Variants in SPOCK1 observed in about 807,000 individuals in gnomAD.
SPOCK1 encodes the protein SPARC (osteonectin), cwcv and kazal like domains proteoglycan 1.
Under a neutral mutation model 55.3 loss-of-function variants are expected in SPOCK1, and 23 were observed. The ratio of observed to expected loss-of-function variants is 0.42; its 90% CI spans 0.30 to 0.59. The LOEUF is 0.59. Ranked by LOEUF, SPOCK1 falls within the 20% of genes least tolerant of loss-of-function variation. The pLI is 0.22. For synonymous variants in SPOCK1, 226 were observed against 221.0 expected (o/e 1.02, Z -0.20); for missense variants, 499 against 552.5 (o/e 0.90, Z 0.97).
chr5:137,449,117 T>A (rs548870585), intron 2 of SPOCK1, among the ~76,000 whole-genome samples: 1 of 152,318 alleles, frequency 6.6e-6, no homozygotes, highest in Admixed American at 6.5e-5. Context: ...CCCAGGACAG[T>A]TGCAGGACCA....
At chr5:137,049,001 G>C (rs1477491009) in intron 6 of SPOCK1, among the ~76,000 whole-genome samples, 7 of 129,206 alleles carry the variant, frequency 5.4e-5, no homozygotes, top group Non-Finnish European at 1.2e-4. Context: ...GGTTTCTGCC[G>C]AGAGATCCGC....
chr5:137,331,621 C>G (rs1758184770), intron 2 of SPOCK1, among the ~76,000 whole-genome samples: 1 of 152,076 alleles, frequency 6.6e-6, no homozygotes, highest in Admixed American at 6.5e-5. Flanking sequence ...CAGGAATAGG[C>G]ATGTCACATG....
intron 2 of SPOCK1, among the ~76,000 whole-genome samples, chr5:137,445,371 AC>A (rs1399476219): frequency 3.3e-5 from 5 of 152,090 alleles, no homozygotes; most frequent in Admixed American, 6.5e-5. Context: ...TTTTCCTTCA[AC>A]CCTATGAATG....
chr5:137,121,950 T>TTATA (rs10645733), intron 4 of SPOCK1, among the ~76,000 whole-genome samples: 51 of 145,564 alleles, frequency 3.5e-4, no homozygotes, highest in African/African-American at 1.2e-3. Flanking sequence ...TTATATATGA[T>TTATA]TATATATATA....
chr5:136,987,912 CT>C (rs1048456130), intron 8 of SPOCK1, among the ~76,000 whole-genome samples: 2 of 152,190 alleles, frequency 1.3e-5, no homozygotes, highest in African/African-American at 4.8e-5. Flanking sequence ...ATCCTGGTAT[CT>C]TTTCTTCTAT....
chr5:137,061,595 T>C (rs1752394863), intron 6 of SPOCK1, among the ~76,000 whole-genome samples: 1 of 152,200 alleles, frequency 6.6e-6, no homozygotes, highest in South Asian at 2.1e-4. Context: ...TCCCAGCTCA[T>C]GTCAGGCCAG....
rs184224350 is a variant in SPOCK1, at chr5:137,079,571, A to T, written c.475-11742T>A. Among the ~76,000 whole-genome samples, 497 of 145,832 alleles carry T rather than the reference A, an allele frequency of 3.4e-3. 5 individuals are homozygous for T. The highest frequency in any genetic ancestry group is 0.013 in the African/African-American group (481 of 38,444). ...GACTTAGTGAAATGTCGTACCAAAGATCCCAAACTAACATTTTGCTCTCAA... is the reference window on the plus strand; with the variant it reads ...GACTTAGTGAAATGTCGTACCAAAGTTCCCAAACTAACATTTTGCTCTCAA... On this transcript the variant is annotated intron_variant, in intron 5 of 10. Coordinates refer to ENST00000394945, the MANE Select transcript of SPOCK1 (RefSeq NM_004598.4).
At chr5:137,449,021 T>C (rs2149834105) in intron 2 of SPOCK1, among the ~76,000 whole-genome samples, 1 of 152,302 alleles carries the variant, frequency 6.6e-6, no homozygotes, top group South Asian at 2.1e-4. Context: ...TCTTCCACAA[T>C]CTTCCAGTGA....
chr5:137,318,364 T>C (rs1757920150), intron 2 of SPOCK1, among the ~76,000 whole-genome samples: 1 of 152,120 alleles, frequency 6.6e-6, no homozygotes, highest in Non-Finnish European at 1.5e-5. Flanking sequence ...GAAAAGGCTG[T>C]CCTTAAATAA....
At chr5:137,146,905 T>C (rs1754207237) in intron 3 of SPOCK1, among the ~76,000 whole-genome samples, 1 of 152,042 alleles carries the variant, frequency 6.6e-6, no homozygotes, top group African/African-American at 2.4e-5. Context: ...CATTTAAGGA[T>C]TGGGGAATTG....
intron 2 of SPOCK1, among the ~76,000 whole-genome samples, chr5:137,394,404 T>C (rs1751797500): frequency 6.6e-6 from 1 of 152,224 alleles, no homozygotes; most frequent in Non-Finnish European, 1.5e-5. Flanking sequence ...TTGTTGTACA[T>C]TTGAAGAAAC....
At chr5:137,113,968 T>C (rs1753524922) in intron 4 of SPOCK1, among the ~76,000 whole-genome samples, 1 of 152,168 alleles carries the variant, frequency 6.6e-6, no homozygotes, top group Admixed American at 6.5e-5. Flanking sequence ...GAAAGATGCA[T>C]AAAGCCAAGA....
chr5:137,304,081 T>G (rs200361693), intron 2 of SPOCK1, among the ~76,000 whole-genome samples: 218 of 58,062 alleles, frequency 3.8e-3, no homozygotes, highest in African/African-American at 0.026. Context: ...TTTTTTTTTT[T>G]TGGTTCTGTT....
At chr5:137,358,308 A>G (rs1244857896) in intron 2 of SPOCK1, among the ~76,000 whole-genome samples, 6 of 151,802 alleles carry the variant, frequency 4.0e-5, no homozygotes, top group Admixed American at 1.3e-4. Flanking sequence ...CCCAACTCCC[A>G]GAAGAGGACA....
At chr5:137,356,830 TATATATATAGAGAGAGAG>T (rs1424953038) in intron 2 of SPOCK1, among the ~76,000 whole-genome samples, 2 of 11,990 alleles carry the variant, frequency 1.7e-4, no homozygotes, top group South Asian at 4.4e-3. Context: ...TATATATATA[TATATATATAGAGAGAGAG>T]AGAGAGAGAG....
chr5:137,191,351 T>C (rs1755175011), intron 3 of SPOCK1, among the ~76,000 whole-genome samples: 2 of 151,588 alleles, frequency 1.3e-5, no homozygotes, highest in South Asian at 2.1e-4. Context: ...TTTTTCATAA[T>C]CTTTGCTAAG....
At chr5:137,369,500 G>T (rs1751152102) in intron 2 of SPOCK1, among the ~76,000 whole-genome samples, 1 of 152,190 alleles carries the variant, frequency 6.6e-6, no homozygotes, top group Admixed American at 6.5e-5. Flanking sequence ...AGAAGTGCCA[G>T]GGAGACAAGC....
intron 2 of SPOCK1, among the ~76,000 whole-genome samples, chr5:137,313,241 G>A (rs1757819510): frequency 6.6e-6 from 1 of 152,130 alleles, no homozygotes; most frequent in Non-Finnish European, 1.5e-5. Context: ...TATACTTTTG[G>A]AGCAACACAT....
chr5:137,114,665 A>C (rs377652096), intron 4 of SPOCK1, among the ~76,000 whole-genome samples: 17 of 152,230 alleles, frequency 1.1e-4, no homozygotes, highest in Admixed American at 9.2e-4. Flanking sequence ...GGCTGTCAGC[A>C]TGGGGTTAAT....
Sources: gnomAD v4.1 joint callset for allele counts (sites outside exome capture counted in the v4.1 genomes callset) on GRCh38, gnomAD v4.1.1 for gene constraint, MANE v1.5 for transcripts, NCBI Gene and HGNC (gene_info 2026-07-23, HGNC 2026-07-21) for gene names.